RGS6: variants seen among roughly 807,000 people sequenced by gnomAD.
RGS6 encodes regulator of G protein signaling 6.
In RGS6, 30 loss-of-function variants were observed where a neutral mutation model predicts 78.5. The observed-to-expected ratio is 0.38, with a 90% CI of 0.29 to 0.52. The LOEUF is 0.52. Among genes scored for constraint, RGS6 ranks in the 20% least tolerant of loss-of-function variants. The pLI is 0.85. For missense variants in RGS6, 495 were observed against 609.7 expected, an observed-to-expected ratio of 0.81 and a Z score of 1.98; for synonymous variants, 206 against 206.0, an observed-to-expected ratio of 1.00 and a Z score of 0.00.
chr14:72,337,779 C>T (rs2076308802), intron 2 of RGS6, among the ~76,000 whole-genome samples: 1 of 152,210 alleles, frequency 6.6e-6, no homozygotes, highest in Non-Finnish European at 1.5e-5. Context: ...AATGACCCTG[C>T]TGCTCTCCCA....
At chr14:72,414,504 G>C (rs2093659798) in intron 3 of RGS6, among the ~76,000 whole-genome samples, 1 of 152,152 alleles carries the variant, frequency 6.6e-6, no homozygotes, top group Middle Eastern at 3.4e-3. Flanking sequence ...TTTGCCATTG[G>C]TTCGAACTTC....
intron 1 of RGS6, among the ~76,000 whole-genome samples, chr14:71,937,072 T>A (rs2089571316): frequency 6.6e-6 from 1 of 152,210 alleles, no homozygotes; most frequent in Non-Finnish European, 1.5e-5. Context: ...CTAATGGATT[T>A]CCTGTGTTCC....
chr14:72,045,370 T>A (rs1371390776), intron 2 of RGS6, among the ~76,000 whole-genome samples: 1 of 152,178 alleles, frequency 6.6e-6, no homozygotes, highest in East Asian at 1.9e-4. Flanking sequence ...AGGTTTTATG[T>A]TAATCTAGAC....
chr14:72,545,822 G>A (rs1224410159), intron 17 of RGS6, among the ~76,000 whole-genome samples: 1 of 151,958 alleles, frequency 6.6e-6, no homozygotes, highest in Non-Finnish European at 1.5e-5. Flanking sequence ...GGAGGGTCAG[G>A]GAGGACTCAC....
At chr14:72,113,405 C>T (rs1022793928) in intron 2 of RGS6, among the ~76,000 whole-genome samples, 3 of 152,298 alleles carry the variant, frequency 2.0e-5, no homozygotes, top group African/African-American at 7.2e-5. Context: ...AGCTTTCAAA[C>T]TGTGGTGGGT....
the RGS6 span, among the ~76,000 whole-genome samples, chr14:71,896,717 C>T: frequency 1.3e-5 from 2 of 152,180 alleles, no homozygotes; most frequent in African/African-American, 4.8e-5. Context: ...GTAGCTTATG[C>T]AATTCATCAG....
At chr14:72,574,437 C>A in the RGS6 span, among the ~76,000 whole-genome samples, 1 of 152,096 alleles carries the variant, frequency 6.6e-6, no homozygotes, top group Non-Finnish European at 1.5e-5. Flanking sequence ...TGTCTCCTCC[C>A]AGAAAAAAAG....
At chr14:72,080,615 TC>T (rs1385835863) in intron 2 of RGS6, among the ~76,000 whole-genome samples, 2 of 152,174 alleles carry the variant, frequency 1.3e-5, no homozygotes, top group African/African-American at 4.8e-5. Flanking sequence ...TTGGAGCTTT[TC>T]CCCTGTGTTT....
intron 17 of RGS6, chr14:72,547,373 AC>A (rs34941449): frequency 0.012 from 13,453 of 1,103,802 alleles, 37 homozygotes; most frequent in South Asian, 0.027. Flanking sequence ...AAGAAGTAAG[AC>A]CCCCCCCCGA....
the RGS6 span, among the ~76,000 whole-genome samples, chr14:72,621,130 G>C: frequency 2.2e-5 from 3 of 137,296 alleles, no homozygotes. Flanking sequence ...AACTGAGTGA[G>C]ACTCTGTCTC....
At chr14:72,133,302 A>G (rs1331905299) in intron 2 of RGS6, among the ~76,000 whole-genome samples, 1 of 151,018 alleles carries the variant, frequency 6.6e-6, no homozygotes, top group African/African-American at 2.4e-5. Flanking sequence ...TTCCTCTCTA[A>G]TCTGCTGTTT....
the RGS6 span, among the ~76,000 whole-genome samples, chr14:72,587,263 T>C: frequency 6.6e-6 from 1 of 151,830 alleles, no homozygotes; most frequent in Non-Finnish European, 1.5e-5. Flanking sequence ...CATGACTTAC[T>C]CTCCACCAAG....
chr14:72,305,233 A>G (rs1056453823), intron 2 of RGS6, among the ~76,000 whole-genome samples: 2 of 152,202 alleles, frequency 1.3e-5, no homozygotes, highest in Admixed American at 6.5e-5. Flanking sequence ...GTCTTTGTTT[A>G]TAGTAGGTTT....
intron 2 of RGS6, among the ~76,000 whole-genome samples, chr14:72,137,547 C>T (rs2096464287): frequency 1.3e-5 from 2 of 152,232 alleles, no homozygotes; most frequent in African/African-American, 2.4e-5. Flanking sequence ...GGGGGTTCCC[C>T]CAGGCCCTTT....
intron 2 of RGS6, among the ~76,000 whole-genome samples, chr14:71,976,157 T>C (rs553842373): frequency 1.3e-5 from 2 of 151,874 alleles, no homozygotes; most frequent in African/African-American, 4.8e-5. Flanking sequence ...AAAGTCCATA[T>C]CTGATACTTT....
At chr14:72,462,213 GA>G (rs2095800038) in intron 6 of RGS6, among the ~76,000 whole-genome samples, 1 of 152,206 alleles carries the variant, frequency 6.6e-6, no homozygotes, top group East Asian at 1.9e-4. Context: ...TCCAGGCTGG[GA>G]GAGGCAGCAT....
At chr14:72,320,426 A>C (rs1277221939) in intron 2 of RGS6, among the ~76,000 whole-genome samples, 1 of 151,446 alleles carries the variant, frequency 6.6e-6, no homozygotes, top group Admixed American at 6.6e-5. Flanking sequence ...AAAAAATTAA[A>C]AATTAGCTGG....
chr14:72,374,680 A>G (rs1452011599), intron 3 of RGS6, among the ~76,000 whole-genome samples: 1 of 152,244 alleles, frequency 6.6e-6, no homozygotes, highest in Non-Finnish European at 1.5e-5. Context: ...CAACATAAGG[A>G]TAAGTCAGCA....
intron 12 of RGS6, among the ~76,000 whole-genome samples, chr14:72,481,805 C>CTTTTTTTTTTTTTTTTTTTTTTTTT: frequency 8.3e-6 from 1 of 120,076 alleles, no homozygotes; most frequent in Non-Finnish European, 1.6e-5. Context: ...TTTATTTTAA[C>CTTTTTTTTTTTTTTTTTTTTTTTTT]TTTTTTTTTT....
Sources: gnomAD v4.1 joint callset for allele counts (sites outside exome capture counted in the v4.1 genomes callset) on GRCh38, gnomAD v4.1.1 for gene constraint, MANE v1.5 for transcripts, NCBI Gene and HGNC (gene_info 2026-07-23, HGNC 2026-07-21) for gene names.